Variants in CHRM3 observed in about 807,000 individuals in gnomAD.
CHRM3 encodes cholinergic receptor muscarinic 3.
Under a neutral mutation model 41.8 loss-of-function variants are expected in CHRM3, and 11 were observed. That is an observed-to-expected ratio of 0.26 (90% confidence interval 0.17 to 0.44). The LOEUF (loss-of-function observed/expected upper bound fraction) is 0.44. CHRM3 is among the 20% of genes least tolerant of loss of function. The pLI, the probability that CHRM3 is intolerant of heterozygous loss-of-function variation, is 1.00. For missense variants in CHRM3, 571 were observed against 745.4 expected (o/e 0.77, Z 2.72); for synonymous variants, 297 against 301.4 (o/e 0.99, Z 0.15).
intron 6 of CHRM3, among the ~76,000 whole-genome samples, chr1:239,870,367 G>A (rs1396845341): frequency 6.6e-6 from 1 of 152,172 alleles, no homozygotes; most frequent in African/African-American, 2.4e-5. Context: ...ATGAAACCTT[G>A]TCTGTTAGTT....
chr1:239,464,052 G>A (rs1259451557), intron 1 of CHRM3, among the ~76,000 whole-genome samples: 7 of 152,052 alleles, frequency 4.6e-5, no homozygotes, highest in African/African-American at 1.2e-4. Flanking sequence ...CAAGGTGGGC[G>A]GATCACTTGA....
intron 5 of CHRM3, among the ~76,000 whole-genome samples, chr1:239,778,857 T>C (rs912271677): frequency 6.6e-6 from 1 of 152,176 alleles, no homozygotes; most frequent in South Asian, 2.1e-4. Context: ...CCTTCTCCAA[T>C]TGTAAACATT....
intron 5 of CHRM3, among the ~76,000 whole-genome samples, chr1:239,717,737 C>T (rs972033297): frequency 6.6e-6 from 1 of 152,046 alleles, no homozygotes; most frequent in Non-Finnish European, 1.5e-5. Context: ...CCACACACAA[C>T]AAAGAACCAG....
intron 3 of CHRM3, among the ~76,000 whole-genome samples, chr1:239,549,893 C>A (rs1659652653): frequency 6.6e-6 from 1 of 151,504 alleles, no homozygotes; most frequent in African/African-American, 2.4e-5. Flanking sequence ...TGAGAATAGC[C>A]CCTAACTTTA....
chr1:239,529,562 A>G (rs1248830432), intron 2 of CHRM3, among the ~76,000 whole-genome samples: 1 of 149,126 alleles, frequency 6.7e-6, no homozygotes, highest in African/African-American at 2.5e-5. Flanking sequence ...CAGTGAGCCA[A>G]GATCGTGTTG....
At chr1:239,640,318 T>G (rs991109353) in intron 4 of CHRM3, among the ~76,000 whole-genome samples, 3 of 152,214 alleles carry the variant, frequency 2.0e-5, no homozygotes, top group African/African-American at 7.2e-5. Flanking sequence ...TTCTATTGAT[T>G]GGAATAGTTT....
chr1:239,630,793 C>A (rs1293386344), intron 3 of CHRM3, among the ~76,000 whole-genome samples: 1 of 152,064 alleles, frequency 6.6e-6, no homozygotes, highest in Non-Finnish European at 1.5e-5. Context: ...TCACTTACAC[C>A]CTCAACCTCA....
chr1:239,709,911 A>C (rs931054667), intron 5 of CHRM3, among the ~76,000 whole-genome samples: 3 of 152,232 alleles, frequency 2.0e-5, no homozygotes, highest in African/African-American at 7.2e-5. Context: ...ACATTATTTA[A>C]GTTAAAATGA....
chr1:239,391,459 A>G (rs1659028748), intron 1 of CHRM3, among the ~76,000 whole-genome samples: 1 of 152,148 alleles, frequency 6.6e-6, no homozygotes, highest in Non-Finnish European at 1.5e-5. Context: ...GTTGTTTTCT[A>G]TCCAGAAGTT....
chr1:239,417,898 G>C (rs12748321), intron 1 of CHRM3, among the ~76,000 whole-genome samples: 7,092 of 152,016 alleles, frequency 0.047, 209 homozygotes, highest in Middle Eastern at 0.11. Flanking sequence ...TTTTTTCCTT[G>C]TCAATGGAAT....
intron 5 of CHRM3, among the ~76,000 whole-genome samples, chr1:239,682,101 G>A (rs1033012117): frequency 9.9e-5 from 15 of 152,102 alleles, no homozygotes; most frequent in Admixed American, 3.9e-4. Context: ...AATAAAAATG[G>A]GGGCCAAAAT....
chr1:239,842,853 C>T (rs1045467573), intron 6 of CHRM3, among the ~76,000 whole-genome samples: 1 of 152,160 alleles, frequency 6.6e-6, no homozygotes, highest in Non-Finnish European at 1.5e-5. Context: ...CCCATGGTCA[C>T]CATCCGGGAT....
At chr1:239,718,936 G>A (rs1269441509) in intron 5 of CHRM3, 2 of 151,982 alleles carry the variant, frequency 1.3e-5, no homozygotes, top group African/African-American at 4.8e-5. Flanking sequence ...AATGTACAGA[G>A]TTGAAAAACT....
intron 3 of CHRM3, among the ~76,000 whole-genome samples, chr1:239,590,975 G>T (rs1664067889): frequency 6.6e-6 from 1 of 152,140 alleles, no homozygotes; most frequent in Admixed American, 6.5e-5. Context: ...CTAGATCTCA[G>T]TTGGCATTCA....
intron 3 of CHRM3, among the ~76,000 whole-genome samples, chr1:239,568,025 T>C (rs1181883185): frequency 1.3e-5 from 2 of 152,142 alleles, no homozygotes; most frequent in African/African-American, 2.4e-5. Flanking sequence ...TGTCAGACAC[T>C]TCAGAGCCTG....
chr1:239,395,961 T>C (rs758866330), intron 1 of CHRM3, among the ~76,000 whole-genome samples: 30 of 152,192 alleles, frequency 2.0e-4, no homozygotes, highest in Non-Finnish European at 3.7e-4. Context: ...TGGCTTGGGT[T>C]TGCATGTTGA....
intron 4 of CHRM3, among the ~76,000 whole-genome samples, chr1:239,639,498 T>G (rs1274282577): frequency 3.9e-5 from 6 of 152,196 alleles, no homozygotes; most frequent in African/African-American, 1.2e-4. Flanking sequence ...TAAGTTGGAT[T>G]CTTGGTATTT....
At chr1:239,717,364 A>G (rs181375682) in intron 5 of CHRM3, among the ~76,000 whole-genome samples, 1 of 152,232 alleles carries the variant, frequency 6.6e-6, no homozygotes, top group African/African-American at 2.4e-5. Context: ...CACAGAGAGT[A>G]GTGGGGACCA....
intron 3 of CHRM3, among the ~76,000 whole-genome samples, chr1:239,590,807 C>T (rs1330152591): frequency 6.6e-6 from 1 of 151,976 alleles, no homozygotes; most frequent in Admixed American, 6.6e-5. Context: ...AAACATAAAA[C>T]CCTATATTTA....
Sources: gnomAD v4.1 joint callset for allele counts (sites outside exome capture counted in the v4.1 genomes callset) on GRCh38, gnomAD v4.1.1 for gene constraint, MANE v1.5 for transcripts, NCBI Gene and HGNC (gene_info 2026-07-23, HGNC 2026-07-21) for gene names.